Variants in TRMT9B observed in about 807,000 individuals in gnomAD.
TRMT9B encodes probable tRNA methyltransferase 9B.
TRMT9B carries 16 observed loss-of-function variants against 11.5 expected under a neutral mutation model. That is an observed-to-expected ratio of 1.39 (90% CI 0.94 to 2.11). The LOEUF is 2.11. Ranked by LOEUF, TRMT9B falls within the 30% of genes most tolerant of loss-of-function variation. The pLI is 0.00. For missense variants in TRMT9B, 941 were observed against 553.8 expected (o/e 1.70, Z -7.02); for synonymous variants, 274 against 192.4 (o/e 1.42, Z -3.51).
chr8:12,977,157 C>A (rs892294355), intron 1 of TRMT9B, among the ~76,000 whole-genome samples: 3 of 152,206 alleles, frequency 2.0e-5, no homozygotes, highest in Non-Finnish European at 4.4e-5. Flanking sequence ...GGAAGGTGAC[C>A]CCAGACAATC....
intron 2 of TRMT9B, among the ~76,000 whole-genome samples, chr8:12,993,207 G>A (rs1166969455): frequency 4.6e-5 from 7 of 152,214 alleles, no homozygotes; most frequent in Admixed American, 4.6e-4. Flanking sequence ...AGGAGTGCAG[G>A]TGCTATCCCG....
intron 1 of TRMT9B, among the ~76,000 whole-genome samples, chr8:12,990,248 C>G (rs993345726): frequency 7.9e-5 from 12 of 152,154 alleles, no homozygotes; most frequent in Non-Finnish European, 1.3e-4. Flanking sequence ...ATGGGCTTTT[C>G]CTATCATATC....
chr8:12,964,148 G>C (rs181408949), intron 1 of TRMT9B, among the ~76,000 whole-genome samples: 274 of 152,278 alleles, frequency 1.8e-3, no homozygotes, highest in Non-Finnish European at 3.1e-3. Flanking sequence ...AAAAAGACTC[G>C]TGTCATTATT....
intron 2 of TRMT9B, among the ~76,000 whole-genome samples, chr8:12,998,986 C>G (rs57844201): frequency 6.6e-6 from 1 of 151,910 alleles, no homozygotes; most frequent in Admixed American, 6.6e-5. Flanking sequence ...GTTTCTTTAC[C>G]CAGAAACATG....
chr8:12,955,958 G>A (rs1264612491), intron 1 of TRMT9B, among the ~76,000 whole-genome samples: 1 of 152,186 alleles, frequency 6.6e-6, no homozygotes, highest in East Asian at 1.9e-4. Flanking sequence ...TTTGGGCTGT[G>A]TTCCATTGAT....
At chr8:12,995,184 C>G (rs1808121662) in intron 2 of TRMT9B, among the ~76,000 whole-genome samples, 1 of 152,188 alleles carries the variant, frequency 6.6e-6, no homozygotes, top group Non-Finnish European at 1.5e-5. Context: ...CTTTCTAGAG[C>G]AAGAATTGTT....
chr8:12,998,379 A>G (rs991791868), intron 2 of TRMT9B, among the ~76,000 whole-genome samples: 5 of 152,236 alleles, frequency 3.3e-5, no homozygotes, highest in African/African-American at 1.2e-4. Context: ...TCATAAATGT[A>G]TGTCAGTATT....
Position 13,012,841 on chromosome 8 carries a change from C to T in TRMT9B, c.312C>T (p.Ala104=). 4 of 1,613,800 alleles carry T rather than the reference C, an allele frequency of 2.5e-6. No individual in the cohort carries two copies. The African/African-American group carries it at 5.3e-5, about 22-fold the overall frequency. Residue 104 remains alanine (A), a synonymous_variant, in exon 4 of 5, where the codon GCC becomes GCT. Transcript: ENST00000524591. ...NLPFRDEGFD[A]IISIGVIHHF... is the part of the protein sequence containing the mutation. Reference sequence around the variant, plus strand: ...CCTTTAGGGATGAGGGCTTCGATGCCATCATCTCCATAGGAGGTAAGGCAG... The same window carrying T: ...CCTTTAGGGATGAGGGCTTCGATGCTATCATCTCCATAGGAGGTAAGGCAG...
chr8:12,986,470 G>A (rs1309752209), intron 1 of TRMT9B, among the ~76,000 whole-genome samples: 1 of 152,158 alleles, frequency 6.6e-6, no homozygotes, highest in Non-Finnish European at 1.5e-5. Flanking sequence ...AGCTCATACT[G>A]TAATATAAAA....
chr8:12,958,139 AT>A (rs2128860562), intron 1 of TRMT9B, among the ~76,000 whole-genome samples: 1 of 152,324 alleles, frequency 6.6e-6, no homozygotes, highest in South Asian at 2.1e-4. Flanking sequence ...TTCAAGGTTC[AT>A]CCATGTTATA....
chr8:12,959,393 A>G (rs1801743927), intron 1 of TRMT9B, among the ~76,000 whole-genome samples: 1 of 152,036 alleles, frequency 6.6e-6, no homozygotes, highest in African/African-American at 2.4e-5. Context: ...AGCTATGTGT[A>G]TATAAATCAT....
At chr8:12,972,309 G>T (rs148991497) in intron 1 of TRMT9B, among the ~76,000 whole-genome samples, 1 of 152,170 alleles carries the variant, frequency 6.6e-6, no homozygotes, top group Non-Finnish European at 1.5e-5. Context: ...GGGGCTGGCC[G>T]GCTGGTGCGG....
chr8:13,017,267 G>A (rs1259087047), intron 4 of TRMT9B, among the ~76,000 whole-genome samples: 1 of 152,112 alleles, frequency 6.6e-6, no homozygotes, highest in Non-Finnish European at 1.5e-5. Flanking sequence ...GTCAACAAAT[G>A]ATGAAATATC....
At chr8:12,977,634 G>A (rs911836190) in intron 1 of TRMT9B, among the ~76,000 whole-genome samples, 2 of 152,146 alleles carry the variant, frequency 1.3e-5, no homozygotes, top group Admixed American at 1.3e-4. Flanking sequence ...ACGGGAGGCA[G>A]AGGTTGCAGT....
At chr8:12,983,306 AAGAG>A (rs1585198941) in intron 1 of TRMT9B, among the ~76,000 whole-genome samples, 2 of 148,184 alleles carry the variant, frequency 1.3e-5, no homozygotes, top group African/African-American at 4.9e-5. Flanking sequence ...TATAAAATCA[AAGAG>A]AGAGTTCCAA....
intron 2 of TRMT9B, among the ~76,000 whole-genome samples, chr8:13,001,129 A>G (rs1302750840): frequency 1.3e-5 from 2 of 152,170 alleles, no homozygotes; most frequent in African/African-American, 4.8e-5. Flanking sequence ...TTTGCAGAAA[A>G]ATATTCTTTT....
rs1814945491 is a variant in TRMT9B, at chr8:13,028,315, G to C, written c.*6271G>C. ...TGTTTGTCAAATTGGATCTTCATTT[G>C]ACAAATAAATACTAGAGCTGCAGAA... On this transcript the variant is annotated 3_prime_UTR_variant, in exon 5 of 5. Transcript: ENST00000524591. 6.0e-6 allele frequency: 1 copy of C among 166,982 alleles called. No homozygotes were observed. The highest frequency in any genetic ancestry group is 2.1e-4 in the South Asian group (1 of 4,822). 10.3% of individuals were successfully genotyped at this position (166,982 alleles called of 1,614,324 possible).
At chr8:13,020,934 G>A (rs948686026) in intron 4 of TRMT9B, 74 bp from the exon 5 acceptor site, 3 of 975,228 alleles carry the variant, frequency 3.1e-6, no homozygotes, top group East Asian at 5.5e-5. Context: ...CTTGTTATAT[G>A]GTAAACACCA....
chr8:13,012,544 C>T (rs1811827468), intron 3 of TRMT9B, 140 bp from the exon 4 acceptor site: 7 of 1,143,772 alleles, frequency 6.1e-6, no homozygotes, highest in Non-Finnish European at 8.2e-6. Flanking sequence ...CACTGCACTC[C>T]AGCCTGGGTG....
Sources: allele counts gnomAD v4.1 joint callset (sites outside exome capture counted in the v4.1 genomes callset), GRCh38; gene constraint gnomAD v4.1.1; transcripts MANE v1.5; gene names NCBI Gene and HGNC (gene_info 2026-07-23, HGNC 2026-07-21).